Variants in PHACTR3 observed in about 807,000 individuals in gnomAD.
PHACTR3 encodes phosphatase and actin regulator 3.
A neutral mutation model predicts 66.8 loss-of-function variants in PHACTR3; 16 were observed. The observed-to-expected ratio is 0.24, with a 90% CI of 0.16 to 0.36. The LOEUF (loss-of-function observed/expected upper bound fraction) is 0.36, where lower values mean the gene tolerates loss of function less well. Among genes scored for constraint, PHACTR3 ranks in the 10% least tolerant of loss-of-function variants. The pLI is 1.00. For missense variants in PHACTR3, 647 were observed against 719.9 expected (o/e 0.90, Z 1.16); for synonymous variants, 323 against 292.1 (o/e 1.11, Z -1.08).
Position 59,770,968 on chromosome 20 carries a change from T to A in PHACTR3, c.752-2311T>A, listed in dbSNP as rs189834687. Among the ~76,000 whole-genome samples, 732 of 152,332 alleles carry A rather than the reference T, an allele frequency of 4.8e-3. 3 individuals carry two copies. The highest frequency in any genetic ancestry group is 0.017 in the African/African-American group (691 of 41,564). On this transcript the variant is annotated intron_variant, in intron 5 of 12. Coordinates refer to ENST00000371015, the MANE Select transcript of PHACTR3 (RefSeq NM_080672.5). ...CAGCCCCCACCTTTTCCTGGCAGCC[T>A]GCCCCTGAGGTGGCTTCTGAACCTC...
chr20:59,792,466 C>T (rs894300279), intron 7 of PHACTR3, among the ~76,000 whole-genome samples: 1 of 152,252 alleles, frequency 6.6e-6, no homozygotes, highest in Non-Finnish European at 1.5e-5. Flanking sequence ...AGTTCCTCCA[C>T]ATCCTCTCCA....
intron 1 of PHACTR3, among the ~76,000 whole-genome samples, chr20:59,737,509 C>T (rs879364965): frequency 2.0e-4 from 28 of 141,242 alleles, no homozygotes; most frequent in Admixed American, 1.1e-3. Context: ...TGTCTGTGTG[C>T]GTGCATGTGT....
chr20:59,799,829 G>A (rs531994855), intron 7 of PHACTR3, among the ~76,000 whole-genome samples: 22 of 152,124 alleles, frequency 1.4e-4, no homozygotes, highest in South Asian at 6.2e-4. Flanking sequence ...TAACTCTACC[G>A]TCTGGCAATT....
intron 1 of PHACTR3, among the ~76,000 whole-genome samples, chr20:59,633,126 G>A (rs901505558): frequency 7.9e-5 from 12 of 152,202 alleles, no homozygotes; most frequent in East Asian, 1.9e-4. Context: ...GTGACACAGC[G>A]TGTGCTAGAG....
At chr20:59,671,441 T>C (rs1486665122) in intron 1 of PHACTR3, among the ~76,000 whole-genome samples, 2 of 152,332 alleles carry the variant, frequency 1.3e-5, no homozygotes, top group African/African-American at 4.8e-5. Context: ...TCCTCTGCTT[T>C]AGTTGGTGGA....
intron 7 of PHACTR3, among the ~76,000 whole-genome samples, chr20:59,781,013 C>T (rs182368120): frequency 1.4e-4 from 21 of 152,302 alleles, no homozygotes; most frequent in African/African-American, 5.1e-4. Flanking sequence ...GGGCATCCAC[C>T]GCTCATCAAA....
chr20:59,639,897 G>A (rs570197749), intron 1 of PHACTR3, among the ~76,000 whole-genome samples: 8 of 152,114 alleles, frequency 5.3e-5, no homozygotes, highest in South Asian at 2.1e-4. Flanking sequence ...CATGTTCTCC[G>A]TGATAATGCA....
chr20:59,664,381 C>G (rs533069943), intron 1 of PHACTR3, among the ~76,000 whole-genome samples: 1 of 152,300 alleles, frequency 6.6e-6, no homozygotes, highest in African/African-American at 2.4e-5. Context: ...GGGCAGCCTA[C>G]TCTGGTTACA....
intron 1 of PHACTR3, among the ~76,000 whole-genome samples, chr20:59,741,160 T>G (rs915189091): frequency 3.3e-5 from 5 of 152,246 alleles, no homozygotes; most frequent in African/African-American, 1.2e-4. Flanking sequence ...TCTCCCTGCA[T>G]GTCCATGCTT....
In PHACTR3 at chr20:59,605,006, G is replaced by T; in HGVS notation, c.-9G>T. The T allele has an allele frequency of 2.3e-6, 3 of 1,314,142 alleles. No individual in the cohort carries two copies. The highest frequency in any genetic ancestry group is 2.9e-6 in the Non-Finnish European group (3 of 1,025,562). 81.4% of individuals were successfully genotyped at this position (1,314,142 alleles called of 1,614,324 possible). ...CTCGCTCTAACTTGCCCCCGCGCCG[G>T]CCGGGCCCATGGCCGCGTCGGAGGA... On this transcript the variant is annotated 5_prime_UTR_variant, in exon 1 of 13. Transcript: ENST00000371015.
intron 8 of PHACTR3, among the ~76,000 whole-genome samples, chr20:59,809,001 A>T (rs2041655155): frequency 6.6e-6 from 1 of 152,132 alleles, no homozygotes; most frequent in Admixed American, 6.5e-5. Flanking sequence ...GAGGTCAGAG[A>T]CAACAGAACG....
chr20:59,839,381 T>C (rs116406979), intron 9 of PHACTR3, among the ~76,000 whole-genome samples: 2,766 of 152,290 alleles, frequency 0.018, 73 homozygotes, highest in African/African-American at 0.05. Flanking sequence ...ATCCCACAAA[T>C]GTATAAATAT....
intron 4 of PHACTR3, among the ~76,000 whole-genome samples, chr20:59,756,453 G>T (rs76422984): frequency 3.9e-5 from 6 of 152,124 alleles, no homozygotes; most frequent in Non-Finnish European, 8.8e-5. Context: ...CCACACACTC[G>T]CAGGCCGCCC....
At position 59,613,999 on chromosome 20, in the gene PHACTR3, T is replaced by C. The variant is rs2033943454; in HGVS notation, c.118+8867T>C. 2.6e-5 allele frequency among the ~76,000 whole-genome samples: 4 copies of C among 152,252 alleles called. No homozygotes were observed. In the South Asian group the frequency reaches 8.3e-4, roughly 31 times the overall value. ...AAAGGAGCCATCATACTTCCTTTTA[T>C]TGAATAGTCCTCTAAACCCTTGAGG... On this transcript the variant is annotated intron_variant, in intron 1 of 12. Coordinates refer to ENST00000371015, the MANE Select transcript of PHACTR3 (RefSeq NM_080672.5).
At chr20:59,799,331 C>T (rs13433174) in intron 7 of PHACTR3, among the ~76,000 whole-genome samples, 11,644 of 152,112 alleles carry the variant, frequency 0.077, 1,159 homozygotes, top group African/African-American at 0.23. Context: ...AGTAGCCTTA[C>T]AAGTTTTCTA....
Position 59,604,771 on chromosome 20 carries a change from G to A in PHACTR3, c.-244G>A. ...AATAAACACGAATAAATAACAAAGC[G>A]AGGCCGCGCACGCCGGGATGCGCCT... On this transcript the variant is annotated 5_prime_UTR_variant, in exon 1 of 13. Coordinates refer to ENST00000371015, the MANE Select transcript of PHACTR3 (RefSeq NM_080672.5). 8.5e-7 allele frequency: 1 copy of A among 1,178,116 alleles called. No homozygotes were observed. The highest frequency in any genetic ancestry group is 1.0e-6 in the Non-Finnish European group (1 of 956,420). The allele number at this position is 1,178,116 out of a possible 1,614,324, so 73.0% of individuals were successfully genotyped here. A position where few individuals can be genotyped will look rare whatever the true frequency, so the allele number is the denominator to read the frequency against.
rs201118563 is a variant in PHACTR3 at position 59,767,334 on chromosome 20, C to T, written c.690C>T (p.Ser230=). 4.3e-6 allele frequency: 7 copies of T among 1,614,010 alleles called. No homozygotes were observed. The African/African-American group carries it at 5.3e-5, about 12-fold the overall frequency. ...PLERSVGQLP[S]PPLLPTPPPK... is the part of the protein sequence containing the mutation. ...AGAGATCCGTGGGCCAGCTCCCCAG[C>T]CCCCCACTGCTGCCCACTCCGCCAC... is the stretch of plus-strand genomic sequence containing the variant. The change falls in exon 5 of 13, where the codon AGC becomes AGT. Residue 230 remains serine (S), a synonymous_variant. Transcript: ENST00000371015.
At chr20:59,688,914 C>T (rs998900029) in intron 1 of PHACTR3, among the ~76,000 whole-genome samples, 4 of 152,064 alleles carry the variant, frequency 2.6e-5, no homozygotes, top group East Asian at 1.9e-4. Flanking sequence ...GGCTGGGCAA[C>T]GCTGTGGTTG....
chr20:59,723,147 A>G (rs908966107), intron 1 of PHACTR3, among the ~76,000 whole-genome samples: 4 of 138,262 alleles, frequency 2.9e-5, no homozygotes, highest in African/African-American at 1.1e-4. Context: ...TAATTCACAT[A>G]TTATACAATT....
Sources: gnomAD v4.1 joint callset for allele counts (sites outside exome capture counted in the v4.1 genomes callset) on GRCh38, gnomAD v4.1.1 for gene constraint, MANE v1.5 for transcripts, NCBI Gene and HGNC (gene_info 2026-07-23, HGNC 2026-07-21) for gene names.